Variants in SLC35F1 observed in about 807,000 individuals in gnomAD.
The protein encoded by SLC35F1 is solute carrier family 35 member F1, also known as chromosome 6 open reading frame 169.
A neutral mutation model predicts 48.7 loss-of-function variants in SLC35F1; 14 were observed. That is an observed-to-expected ratio of 0.29 (90% confidence interval 0.19 to 0.45). The LOEUF (loss-of-function observed/expected upper bound fraction) is 0.45, where lower values mean the gene tolerates loss of function less well. SLC35F1 is among the 20% of genes least tolerant of loss of function. The pLI, the probability that SLC35F1 is intolerant of heterozygous loss-of-function variation, is 1.00. For synonymous variants in SLC35F1, 190 were observed against 202.2 expected, an observed-to-expected ratio of 0.94 and a Z score of 0.51; for missense variants, 404 against 500.0, an observed-to-expected ratio of 0.81 and a Z score of 1.83.
At chr6:118,285,976 G>A (rs1776043506) in intron 7 of SLC35F1, among the ~76,000 whole-genome samples, 1 of 152,132 alleles carries the variant, frequency 6.6e-6, no homozygotes, top group African/African-American at 2.4e-5. Flanking sequence ...TTGCCCTAGG[G>A]AGGCATGACT....
chr6:118,073,695 A>G (rs1268196868), intron 1 of SLC35F1, among the ~76,000 whole-genome samples: 1 of 152,188 alleles, frequency 6.6e-6, no homozygotes, highest in African/African-American at 2.4e-5. Flanking sequence ...GATACATGTT[A>G]TTTTTTATAT....
At chr6:118,237,857 A>C (rs577049635) in intron 3 of SLC35F1, among the ~76,000 whole-genome samples, 23 of 152,196 alleles carry the variant, frequency 1.5e-4, no homozygotes, top group Non-Finnish European at 3.2e-4. Context: ...TTTACCACAA[A>C]TGTAATTTTG....
chr6:118,304,514 T>A (rs1244324197), intron 7 of SLC35F1, among the ~76,000 whole-genome samples: 2 of 152,210 alleles, frequency 1.3e-5, no homozygotes, highest in African/African-American at 4.8e-5. Context: ...CCAGATGGGT[T>A]GATTGTTCTG....
intron 1 of SLC35F1, among the ~76,000 whole-genome samples, chr6:118,089,524 A>G (rs1773041798): frequency 6.6e-6 from 1 of 152,226 alleles, no homozygotes; most frequent in Non-Finnish European, 1.5e-5. Flanking sequence ...CTCATTTTTT[A>G]TGATACACTC....
At chr6:118,183,560 A>G (rs1236295387) in intron 2 of SLC35F1, among the ~76,000 whole-genome samples, 1 of 152,138 alleles carries the variant, frequency 6.6e-6, no homozygotes, top group Non-Finnish European at 1.5e-5. Flanking sequence ...AGAACTCATG[A>G]AATGACAACA....
chr6:118,126,398 T>C (rs1221325508), intron 1 of SLC35F1, among the ~76,000 whole-genome samples: 1 of 152,212 alleles, frequency 6.6e-6, no homozygotes, highest in African/African-American at 2.4e-5. Flanking sequence ...GTAGTATAGT[T>C]TGAAGTCAGG....
intron 7 of SLC35F1, among the ~76,000 whole-genome samples, chr6:118,310,610 G>A (rs1235881518): frequency 6.6e-6 from 1 of 151,318 alleles, no homozygotes; most frequent in Admixed American, 6.6e-5. Context: ...CTGTCTTTTT[G>A]GACTTGTATT....
At chr6:118,162,699 CT>C (rs1304283369) in intron 2 of SLC35F1, among the ~76,000 whole-genome samples, 1 of 152,204 alleles carries the variant, frequency 6.6e-6, no homozygotes, top group African/African-American at 2.4e-5. Context: ...TTCCCACTTC[CT>C]TGTGGCATCC....
intron 1 of SLC35F1, among the ~76,000 whole-genome samples, chr6:117,946,989 T>A (rs1776303512): frequency 6.6e-6 from 1 of 152,212 alleles, no homozygotes; most frequent in African/African-American, 2.4e-5. Flanking sequence ...TCTGTTTTCA[T>A]GGAGCTTACA....
chr6:118,108,118 C>T (rs745942922), intron 1 of SLC35F1, among the ~76,000 whole-genome samples: 3 of 152,022 alleles, frequency 2.0e-5, no homozygotes, highest in Non-Finnish European at 2.9e-5. Flanking sequence ...GTCTACTGTA[C>T]GTTGTAATTC....
chr6:118,234,487 A>T (rs1275901210), intron 2 of SLC35F1, among the ~76,000 whole-genome samples: 1 of 152,182 alleles, frequency 6.6e-6, no homozygotes, highest in Non-Finnish European at 1.5e-5. Context: ...GCTTGGAAGC[A>T]GGTCCCTCCC....
chr6:118,027,642 A>T (rs1219235333), intron 1 of SLC35F1, among the ~76,000 whole-genome samples: 1 of 152,066 alleles, frequency 6.6e-6, no homozygotes, highest in East Asian at 1.9e-4. Context: ...TTTTAAAAAA[A>T]GTTTGGATGG....
At chr6:117,929,048 C>G (rs1009931573) in intron 1 of SLC35F1, among the ~76,000 whole-genome samples, 1 of 152,006 alleles carries the variant, frequency 6.6e-6, no homozygotes, top group African/African-American at 2.4e-5. Context: ...TACGAGATCA[C>G]CACATCCGGA....
intron 3 of SLC35F1, among the ~76,000 whole-genome samples, chr6:118,248,198 A>G (rs1775531647): frequency 6.6e-6 from 1 of 152,210 alleles, no homozygotes; most frequent in South Asian, 2.1e-4. Flanking sequence ...ATCCTGCTCA[A>G]TAAGTGGCAA....
chr6:118,030,596 G>A (rs1037733174), intron 1 of SLC35F1, among the ~76,000 whole-genome samples: 5 of 152,142 alleles, frequency 3.3e-5, no homozygotes, highest in African/African-American at 1.2e-4. Context: ...GGCAATAAAG[G>A]AAGAGTGTAA....
chr6:118,206,395 T>C (rs1774936257), intron 2 of SLC35F1, among the ~76,000 whole-genome samples: 1 of 152,168 alleles, frequency 6.6e-6, no homozygotes, highest in Admixed American at 6.5e-5. Context: ...TTCCCTAACC[T>C]TACTTCTTAC....
intron 2 of SLC35F1, among the ~76,000 whole-genome samples, chr6:118,215,299 G>A (rs1775057146): frequency 6.6e-6 from 1 of 152,098 alleles, no homozygotes. Flanking sequence ...ATTTCTCCTT[G>A]AGGTCTTATT....
At chr6:117,996,864 T>G (rs1040458266) in intron 1 of SLC35F1, among the ~76,000 whole-genome samples, 1 of 152,030 alleles carries the variant, frequency 6.6e-6, no homozygotes, top group Admixed American at 6.5e-5. Flanking sequence ...AAAAGCAGAG[T>G]GCCTCTCCTC....
chr6:118,086,829 G>A (rs2114333997), intron 1 of SLC35F1, among the ~76,000 whole-genome samples: 1 of 152,270 alleles, frequency 6.6e-6, no homozygotes, highest in Admixed American at 6.5e-5. Flanking sequence ...GGCTCACTGG[G>A]AGGCTTGCCC....
Sources: allele counts gnomAD v4.1 joint callset (sites outside exome capture counted in the v4.1 genomes callset), GRCh38; gene constraint gnomAD v4.1.1; transcripts MANE v1.5; gene names NCBI Gene and HGNC (gene_info 2026-07-23, HGNC 2026-07-21).